C2CD5: variants seen among roughly 807,000 people sequenced by gnomAD.
C2CD5 encodes C2 domain-containing protein 5.
C2CD5 carries 109 observed loss-of-function variants against 130.3 expected under a neutral mutation model. The ratio of observed to expected loss-of-function variants is 0.84; its 90% CI spans 0.72 to 0.98. C2CD5 has a LOEUF of 0.98. C2CD5 is among the 50% of genes least tolerant of loss of function. C2CD5 has a pLI of 0.00. For missense variants in C2CD5, 996 were observed against 1,261.8 expected, an observed-to-expected ratio of 0.79 and a Z score of 3.19; for synonymous variants, 454 against 429.2, an observed-to-expected ratio of 1.06 and a Z score of -0.71.
intron 10 of C2CD5, among the ~76,000 whole-genome samples, chr12:22,495,952 C>T (rs1021063757): frequency 1.3e-5 from 2 of 151,802 alleles, no homozygotes; most frequent in Non-Finnish European, 2.9e-5. Flanking sequence ...AAAGTAATGG[C>T]CCTAGATTCT....
At chr12:22,504,892 T>C (rs1180817416) in intron 10 of C2CD5, among the ~76,000 whole-genome samples, 1 of 152,110 alleles carries the variant, frequency 6.6e-6, no homozygotes, top group Admixed American at 6.5e-5. Flanking sequence ...GAATTTTTCT[T>C]AAGTACTGTA....
Position 22,513,342 on chromosome 12 carries a change from G to A in C2CD5, c.990C>T (p.Pro330=). ...TCTGTTGTCTTAAAAGAGCTTTAAA[G>A]GGCCCCCCTTCTTTTCCAGCACTAC... The part of the protein sequence containing the change: ...GSGSAGKEGG[P]FKALLRQQTQ... The change falls in exon 9 of 27, where the codon CCC becomes CCT. Residue 330 remains proline (P), a synonymous_variant. Transcript: ENST00000446597. 1.2e-6 allele frequency: 2 copies of A among 1,612,438 alleles called. No homozygotes were observed. The highest frequency in any genetic ancestry group is 2.7e-5 in the African/African-American group (2 of 74,970).
chr12:22,510,068 A>G lies in C2CD5; in HGVS notation c.1038+3226T>C, dbSNP rs1320479817. On this transcript the variant is annotated intron_variant, in intron 9 of 26. Coordinates refer to ENST00000446597, the MANE Select transcript of C2CD5 (RefSeq NM_001286176.2). ...AAAAATACAAAAATTAGCCAGTTGT[A>G]GTGGCGGACGCCTGTAATCCCAGCT... Among the ~76,000 whole-genome samples the G allele has an allele frequency of 2.6e-5, 4 of 152,062 alleles. No homozygotes were observed. In the East Asian group the frequency reaches 7.7e-4, roughly 29 times the overall value.
rs1275237498 is a variant in C2CD5 at position 22,472,298 on chromosome 12, G to T, written c.2157C>A (p.Thr719=). ...TEIMPGINNW[T]SEIQMFTSVR... ...AAAAAAGGTTTACCTGTATTTCAGA[G>T]GTCCAATTATTTATACCGGGCATAA... The change falls in exon 18 of 27, where the codon ACC becomes ACA. Residue 719 remains threonine, a synonymous_variant. Transcript: ENST00000446597. 1.3e-6 allele frequency: 2 copies of T among 1,511,970 alleles called. No individual in the cohort carries two copies. The highest frequency in any genetic ancestry group is 1.8e-6 in the Non-Finnish European group (2 of 1,103,908). 93.7% of individuals were successfully genotyped at this position (1,511,970 alleles called of 1,614,324 possible).
At chr12:22,506,069 G>C (rs980656592) in intron 10 of C2CD5, among the ~76,000 whole-genome samples, 1 of 152,140 alleles carries the variant, frequency 6.6e-6, no homozygotes, top group African/African-American at 2.4e-5. Context: ...TACACAATGA[G>C]CTCTAAGAAA....
At chr12:22,531,033 G>A (rs1386283497) in intron 3 of C2CD5, among the ~76,000 whole-genome samples, 1 of 152,062 alleles carries the variant, frequency 6.6e-6, no homozygotes, top group Admixed American at 6.6e-5. Flanking sequence ...TATAGTTGGG[G>A]GGGAAAGGCT....
At chr12:22,510,315 C>A (rs1949048315) in intron 9 of C2CD5, among the ~76,000 whole-genome samples, 1 of 151,830 alleles carries the variant, frequency 6.6e-6, no homozygotes, top group Non-Finnish European at 1.5e-5. Flanking sequence ...CTCCAGAAGT[C>A]TTCATATTTA....
intron 25 of C2CD5, 114 bp from the exon 26 acceptor site, chr12:22,454,156 C>A: frequency 7.5e-6 from 6 of 803,186 alleles, no homozygotes; most frequent in Non-Finnish European, 1.1e-5. Flanking sequence ...CTTAATATAC[C>A]AAATAACTTA....
chr12:22,468,255 A>G (rs922025990), intron 22 of C2CD5, among the ~76,000 whole-genome samples: 11 of 152,100 alleles, frequency 7.2e-5, no homozygotes, highest in Admixed American at 6.6e-5. Flanking sequence ...GTCTCCCCCT[A>G]TCGCCTGGGC....
In C2CD5 at chr12:22,474,864, G is replaced by T. The variant is rs1943609576; in HGVS notation, c.1930C>A (p.Pro644Thr). Residue 644 changes from proline (P) to threonine (T), a missense_variant, in exon 16 of 27, where the codon CCC becomes ACC. This residue lies in a region of C2CD5 where 590 missense variants were observed against 631.4 expected (regional missense o/e 0.93). Transcript: ENST00000446597. Reference protein sequence around the residue: ...PEISEEIIGSPIPEPRQRSRL... With the variant: ...PEISEEIIGSTIPEPRQRSRL... ...GAGCGTTGCCTAGGTTCTGGGATGG[G>T]TGATCCTATAATCTCTTCAGATATC... 3 of 1,601,396 alleles carry T rather than the reference G, an allele frequency of 1.9e-6. No individual in the cohort carries two copies. The African/African-American group carries it at 4.0e-5, about 22-fold the overall frequency.
intron 25 of C2CD5, among the ~76,000 whole-genome samples, chr12:22,455,820 G>A (rs966233859): frequency 2.0e-5 from 3 of 152,054 alleles, no homozygotes; most frequent in Non-Finnish European, 2.9e-5. Flanking sequence ...GAGTAGCTAG[G>A]ATTACAGGCA....
At chr12:22,465,760 T>A (rs985268707) in intron 22 of C2CD5, among the ~76,000 whole-genome samples, 4 of 152,048 alleles carry the variant, frequency 2.6e-5, no homozygotes, top group Non-Finnish European at 5.9e-5. Flanking sequence ...CACATGAAAA[T>A]TGTATTAAAA....
At chr12:22,503,067 GCTCAATATTT>G (rs1948007954) in intron 10 of C2CD5, among the ~76,000 whole-genome samples, 1 of 152,038 alleles carries the variant, frequency 6.6e-6, no homozygotes, top group African/African-American at 2.4e-5. Flanking sequence ...TCACCCGTTT[GCTCAATATTT>G]ACCAAAGGAG....
At chr12:22,488,372 T>C (rs548773464) in intron 12 of C2CD5, among the ~76,000 whole-genome samples, 1 of 152,106 alleles carries the variant, frequency 6.6e-6, no homozygotes, top group Admixed American at 6.6e-5. Flanking sequence ...ACTCTCCAAA[T>C]TTTTTCTAAT....
At chr12:22,523,195 C>T (rs143570791) in intron 7 of C2CD5, among the ~76,000 whole-genome samples, 1 of 151,810 alleles carries the variant, frequency 6.6e-6, no homozygotes, top group Non-Finnish European at 1.5e-5. Context: ...GCCTGGGCAA[C>T]AGAGCAAGAC....
intron 12 of C2CD5, among the ~76,000 whole-genome samples, chr12:22,486,992 G>A (rs1356790351): frequency 4.6e-5 from 7 of 152,220 alleles, no homozygotes; most frequent in South Asian, 2.1e-4. Flanking sequence ...TGGGAAAACC[G>A]GCTAGCCATA....
In C2CD5 at chr12:22,449,513, CG is replaced by C. The variant is rs1938059679; in HGVS notation, c.*246del. ...AATTACAAAGGTTCCATCTTTGCTA[CG>C]GTTCTTTTAAAAATTTATCTTAACT... On this transcript the variant is annotated 3_prime_UTR_variant, in exon 27 of 27. Transcript: ENST00000446597. 6.2e-6 allele frequency: 2 copies of C among 322,664 alleles called. No individual in the cohort carries two copies. The highest frequency in any genetic ancestry group is 9.1e-5 in the East Asian group (2 of 22,014). The allele number at this position is 322,664 out of a possible 1,614,324, so 20.0% of individuals were successfully genotyped here.
At chr12:22,515,396 CACTA>C (rs1481063386) in intron 8 of C2CD5, among the ~76,000 whole-genome samples, 4 of 152,040 alleles carry the variant, frequency 2.6e-5, no homozygotes, top group Non-Finnish European at 5.9e-5. Context: ...TTTTTTAAAT[CACTA>C]ACTTAGGATT....
intron 19 of C2CD5, among the ~76,000 whole-genome samples, 177 bp from the exon 20 acceptor site, chr12:22,471,665 A>G (rs1943057501): frequency 6.6e-6 from 1 of 152,054 alleles, no homozygotes; most frequent in Admixed American, 6.6e-5. Context: ...TTAAGTAGAC[A>G]ATAAGATTTA....
Sources: gnomAD v4.1 joint callset for allele counts (sites outside exome capture counted in the v4.1 genomes callset) on GRCh38, gnomAD v4.1.1 for gene constraint, gnomAD v4.1.1 regional missense constraint, MANE v1.5 for transcripts, NCBI Gene and HGNC (gene_info 2026-07-23, HGNC 2026-07-21) for gene names.